Variants in ABCB4 observed in about 807,000 individuals in gnomAD.
ABCB4 encodes the protein phosphatidylcholine translocator ABCB4.
ABCB4 carries 76 observed loss-of-function variants against 145.7 expected under a neutral mutation model. That is an observed-to-expected ratio of 0.52 (90% confidence interval 0.43 to 0.63). The LOEUF (loss-of-function observed/expected upper bound fraction) is 0.63, where lower values mean the gene tolerates loss of function less well. Ranked by LOEUF, ABCB4 falls within the 30% of genes least tolerant of loss-of-function variation. The pLI is 0.00. For synonymous variants in ABCB4, 517 were observed against 566.8 expected, an observed-to-expected ratio of 0.91 and a Z score of 1.25; for missense variants, 1,234 against 1,553.1, an observed-to-expected ratio of 0.79 and a Z score of 3.45.
downstream of ABCB4, among the ~76,000 whole-genome samples, chr7:87,397,610 G>A (rs945434084): frequency 5.3e-5 from 8 of 152,318 alleles, no homozygotes; most frequent in South Asian, 1.7e-3. Flanking sequence ...GCCAAGTGTA[G>A]CTGGAGAATG....
chr7:87,446,666 C>T (rs528426201), intron 9 of ABCB4, among the ~76,000 whole-genome samples: 2 of 152,258 alleles, frequency 1.3e-5, no homozygotes, highest in Admixed American at 6.5e-5. Flanking sequence ...GTAACATTTT[C>T]TTGTGCAATG....
chr7:87,465,216 T>C (rs1812777322), intron 3 of ABCB4, among the ~76,000 whole-genome samples: 1 of 152,166 alleles, frequency 6.6e-6, no homozygotes, highest in Non-Finnish European at 1.5e-5. Flanking sequence ...AAACGGCACA[T>C]CAGGAGATTA....
At chr7:87,450,421 T>C (rs1811634781) in intron 7 of ABCB4, among the ~76,000 whole-genome samples, 1 of 152,114 alleles carries the variant, frequency 6.6e-6, no homozygotes, top group Admixed American at 6.5e-5. Context: ...AAAATAAAAC[T>C]TTACTGCTTT....
Position 87,431,497 on chromosome 7 carries a change from G to A in ABCB4, c.1800C>T (p.Ile600=), listed in dbSNP as rs749391433. The stretch of plus-strand genomic sequence containing the variant: ...CAATTACTCCATCCTCAAACCCAGC[G>A]ATGACATCTGCATTTCGGACCGTAG... The part of the protein sequence containing the change: ...RLSTVRNADV[I]AGFEDGVIVE... Residue 600 remains isoleucine (I), a synonymous_variant, in exon 15 of 28, where the codon ATC becomes ATT. Coordinates refer to ENST00000649586, the MANE Select transcript of ABCB4 (RefSeq NM_000443.4). The A allele has an allele frequency of 3.7e-6, 6 of 1,613,950 alleles. No individual in the cohort carries two copies. The highest frequency in any genetic ancestry group is 5.1e-6 in the Non-Finnish European group (6 of 1,179,980).
At chr7:87,440,848 C>T (rs1214340198) in intron 12 of ABCB4, among the ~76,000 whole-genome samples, 1 of 152,072 alleles carries the variant, frequency 6.6e-6, no homozygotes, top group African/African-American at 2.4e-5. Flanking sequence ...TCACACTGTT[C>T]TCCTGCCTCA....
At chr7:87,383,616 C>A in the ABCB4 span, among the ~76,000 whole-genome samples, 1 of 151,934 alleles carries the variant, frequency 6.6e-6, no homozygotes, top group South Asian at 2.1e-4. Context: ...CCTGCCTCAG[C>A]CTCCTGAGTA....
chr7:87,390,822 C>T, the ABCB4 span, among the ~76,000 whole-genome samples: 3 of 152,186 alleles, frequency 2.0e-5, no homozygotes, highest in African/African-American at 4.8e-5. Flanking sequence ...TACCCCAAAA[C>T]GTAGTGGCTT....
Position 87,475,656 on chromosome 7 carries a change from C to A in ABCB4, c.-29G>T. On this transcript the variant is annotated 5_prime_UTR_variant, in exon 1 of 28. Transcript: ENST00000649586. ...CACCTCGAACCTCGCGCGTGTCTGGCAGGGCCTCTGGACGCGCGGGCGCTG... is the reference window on the plus strand; with the variant it reads ...CACCTCGAACCTCGCGCGTGTCTGGAAGGGCCTCTGGACGCGCGGGCGCTG... The A allele has an allele frequency of 1.6e-6, 1 of 638,908 alleles. No homozygotes were observed. Among genetic ancestry groups the A allele is most frequent in the South Asian group, 1.8e-5 (1 of 55,624 alleles). 39.6% of individuals were successfully genotyped at this position (638,908 alleles called of 1,614,324 possible). A position where few individuals can be genotyped will look rare whatever the true frequency, so the allele number is the denominator to read the frequency against.
chr7:87,376,587 T>C, the ABCB4 span, among the ~76,000 whole-genome samples: 1 of 151,472 alleles, frequency 6.6e-6, no homozygotes, highest in Non-Finnish European at 1.5e-5. Context: ...TATTAAATAA[T>C]AGGAAAAAAT....
intron 2 of ABCB4, among the ~76,000 whole-genome samples, chr7:87,475,163 C>G (rs529804002): frequency 1.3e-5 from 2 of 152,178 alleles, no homozygotes; most frequent in Non-Finnish European, 1.5e-5. Context: ...TCAAGACAGC[C>G]TTTTCTTCCT....
intron 26 of ABCB4, among the ~76,000 whole-genome samples, chr7:87,404,740 A>G (rs1259457890): frequency 6.6e-6 from 1 of 152,256 alleles, no homozygotes; most frequent in African/African-American, 2.4e-5. Flanking sequence ...GAGGATATAT[A>G]GATGGTAAAT....
chr7:87,464,916 G>A (rs959946615), intron 3 of ABCB4, among the ~76,000 whole-genome samples: 1 of 152,158 alleles, frequency 6.6e-6, no homozygotes, highest in Non-Finnish European at 1.5e-5. Context: ...TAGCTGATTA[G>A]GAACAGCTCC....
At chr7:87,375,998 G>T in the ABCB4 span, 13 of 1,498,628 alleles carry the variant, frequency 8.7e-6, no homozygotes, top group South Asian at 4.1e-5. Flanking sequence ...AGATTTTTCT[G>T]GAAGACTCAT....
chr7:87,427,344 C>T (rs1000708592), intron 15 of ABCB4, among the ~76,000 whole-genome samples: 8 of 152,074 alleles, frequency 5.3e-5, no homozygotes, highest in Admixed American at 3.9e-4. Flanking sequence ...TCACTACCCA[C>T]GGGAGGTAAA....
intron 3 of ABCB4, among the ~76,000 whole-genome samples, chr7:87,466,703 G>A (rs979342565): frequency 3.3e-5 from 5 of 152,120 alleles, no homozygotes; most frequent in Admixed American, 6.5e-5. Context: ...CTGATCTCTC[G>A]GCAGAAACTC....
At chr7:87,391,567 C>T in the ABCB4 span, 1 of 1,580,768 alleles carries the variant, frequency 6.3e-7, no homozygotes. Flanking sequence ...TTATGATACA[C>T]TCTTTTAATT....
At chr7:87,464,060 C>T (rs756080881) in intron 3 of ABCB4, among the ~76,000 whole-genome samples, 1 of 151,998 alleles carries the variant, frequency 6.6e-6, no homozygotes, top group Non-Finnish European at 1.5e-5. Flanking sequence ...CTGCCCATTC[C>T]CCCCACCTCA....
chr7:87,427,033 T>TA, intron 15 of ABCB4, 113 bp from the exon 16 acceptor site: 1 of 936,534 alleles, frequency 1.1e-6, no homozygotes, highest in South Asian at 1.5e-5. Context: ...TTTGGAATAT[T>TA]ACATGTATCA....
chr7:87,370,633 T>G, the ABCB4 span, among the ~76,000 whole-genome samples: 1 of 152,232 alleles, frequency 6.6e-6, no homozygotes, highest in Non-Finnish European at 1.5e-5. Context: ...TACAACTAAA[T>G]ATTCATGTAA....
Sources: allele counts gnomAD v4.1 joint callset (sites outside exome capture counted in the v4.1 genomes callset), GRCh38; gene constraint gnomAD v4.1.1; transcripts MANE v1.5; gene names NCBI Gene and HGNC (gene_info 2026-07-23, HGNC 2026-07-21).